Variants in ATP7B observed in about 807,000 individuals in gnomAD.
The protein encoded by ATP7B is copper-transporting ATPase 2.
In ATP7B, 113 loss-of-function variants were observed where a neutral mutation model predicts 118.9. The observed-to-expected ratio is 0.95, with a 90% CI of 0.82 to 1.11. ATP7B has a LOEUF of 1.11. Ranked by LOEUF, ATP7B falls within the 50% of genes most tolerant of loss-of-function variation. ATP7B has a pLI of 0.00. For synonymous variants in ATP7B, 777 were observed against 727.4 expected (o/e 1.07, Z -1.10); for missense variants, 1,867 against 1,871.4 (o/e 1.00, Z 0.04).
At chr13:51,936,505 A>C (rs1349471947) in intron 19 of ATP7B, among the ~76,000 whole-genome samples, 1 of 152,218 alleles carries the variant, frequency 6.6e-6, no homozygotes, top group Non-Finnish European at 1.5e-5. Context: ...GGGGAATTAC[A>C]AAGCAGAAAA....
At chr13:51,952,807 G>T (rs893154364) in intron 9 of ATP7B, among the ~76,000 whole-genome samples, 2 of 152,282 alleles carry the variant, frequency 1.3e-5, no homozygotes, top group South Asian at 4.1e-4. Context: ...GCTTAGTATG[G>T]CACCTGTACA....
rs546295146 is a variant in ATP7B, at chr13:52,001,897, C to A, written c.51+9390G>T. On this transcript the variant is annotated intron_variant, in intron 1 of 20. Coordinates refer to ENST00000242839, the MANE Select transcript of ATP7B (RefSeq NM_000053.4). ...CCTCCGCCTCCCTGGCTCAAGTGATCCTCCCATCTCAGCCTCCCAAGTACC... is the reference window on the plus strand; with the variant it reads ...CCTCCGCCTCCCTGGCTCAAGTGATACTCCCATCTCAGCCTCCCAAGTACC... 4.6e-4 allele frequency among the ~76,000 whole-genome samples: 70 copies of A among 152,126 alleles called. 1 individual carries two copies. The highest frequency in any genetic ancestry group is 9.4e-4 in the Non-Finnish European group (64 of 68,002).
rs768698497 is a variant in ATP7B, at chr13:51,974,205, T to G, written c.1015A>C (p.Arg339=). The G allele has an allele frequency of 1.1e-5, 18 of 1,613,778 alleles. No homozygotes were observed. Among genetic ancestry groups the G allele is most frequent in the Non-Finnish European group, 1.5e-5 (18 of 1,179,960 alleles). ...DGAEGSGTDH[R]SSSSHSPGSP... is the part of the protein sequence containing the mutation. The stretch of plus-strand genomic sequence containing the variant: ...CCAGGGGAATGAGAACTGGAAGACC[T>G]GTGATCTGTCCCACTCCCTTCGGCT... The change falls in exon 2 of 21, where the codon AGG becomes CGG. Residue 339 remains arginine (R), a synonymous_variant. Transcript: ENST00000242839.
At chr13:52,007,329 C>T (rs989859887) in intron 1 of ATP7B, among the ~76,000 whole-genome samples, 6 of 152,134 alleles carry the variant, frequency 3.9e-5, no homozygotes, top group African/African-American at 1.4e-4. Flanking sequence ...GGACTCAATC[C>T]TAGATCTGCC....
At chr13:51,941,009 G>A (rs192539462) in intron 16 of ATP7B, 72 bp downstream of exon 16, 656 of 1,593,126 alleles carry the variant, frequency 4.1e-4, no homozygotes, top group Admixed American at 5.3e-4. Flanking sequence ...TATAAAGGAG[G>A]ACTCTTTTGC....
At position 51,974,124 on chromosome 13, in the gene ATP7B, C is replaced by G. The variant is rs1170017506; in HGVS notation, c.1096G>C (p.Ala366Pro). 6.2e-7 allele frequency: 1 copy of G among 1,613,806 alleles called. No individual in the cohort carries two copies. The highest frequency in any genetic ancestry group is 1.1e-5 in the South Asian group (1 of 91,066). ...ACACAGGATGCACAGGTCATGCCGGCAATGGCAATCAGAGTGGTACTGCAT... is the reference window on the plus strand; with the variant it reads ...ACACAGGATGCACAGGTCATGCCGGGAATGGCAATCAGAGTGGTACTGCAT... ...GTCSTTLIAI[A>P]GMTCASCVHS... is the part of the protein sequence containing the mutation. The change falls in exon 2 of 21, where the codon GCC becomes CCC. Residue 366 changes from alanine to proline, a missense_variant. Ala to Pro is a conservative substitution (Grantham distance 27). Coordinates refer to ENST00000242839, the MANE Select transcript of ATP7B (RefSeq NM_000053.4).
intron 1 of ATP7B, among the ~76,000 whole-genome samples, chr13:51,987,968 T>C (rs1051757850): frequency 6.6e-6 from 1 of 152,072 alleles, no homozygotes; most frequent in Non-Finnish European, 1.5e-5. Flanking sequence ...GAAGAAAACA[T>C]AGGCAGTACC....
chr13:52,006,472 A>C (rs1463625161), intron 1 of ATP7B, among the ~76,000 whole-genome samples: 2 of 152,248 alleles, frequency 1.3e-5, no homozygotes, highest in Non-Finnish European at 2.9e-5. Flanking sequence ...TGAGAAGACA[A>C]TTCCATAAAG....
At chr13:52,005,303 T>C (rs2140610261) in intron 1 of ATP7B, among the ~76,000 whole-genome samples, 1 of 152,354 alleles carries the variant, frequency 6.6e-6, no homozygotes, top group African/African-American at 2.4e-5. Context: ...CATTTTCTTA[T>C]AAGCAATCAA....
intron 1 of ATP7B, among the ~76,000 whole-genome samples, chr13:51,995,152 A>C (rs1953142482): frequency 6.6e-6 from 1 of 152,208 alleles, no homozygotes; most frequent in Non-Finnish European, 1.5e-5. Context: ...GCCATGGTGT[A>C]ATTAATCAGC....
chr13:51,965,384 A>T (rs1052183976), intron 4 of ATP7B, among the ~76,000 whole-genome samples: 1 of 152,148 alleles, frequency 6.6e-6, no homozygotes, highest in African/African-American at 2.4e-5. Flanking sequence ...TAATGCCTGT[A>T]CGGGGTTGTG....
chr13:51,981,727 C>T (rs538744614), intron 1 of ATP7B, among the ~76,000 whole-genome samples: 9 of 152,160 alleles, frequency 5.9e-5, no homozygotes, highest in Admixed American at 3.3e-4. Context: ...GGGGGATAAA[C>T]GTAAATATCA....
chr13:51,968,069 T>G (rs746085636), intron 4 of ATP7B, among the ~76,000 whole-genome samples: 2 of 152,206 alleles, frequency 1.3e-5, no homozygotes, highest in Non-Finnish European at 2.9e-5. Flanking sequence ...CTTGAGATAG[T>G]TGCAGGCATG....
chr13:51,979,096 A>G (rs1463910258), intron 1 of ATP7B: 2 of 152,014 alleles, frequency 1.3e-5, no homozygotes, highest in Non-Finnish European at 2.9e-5. Flanking sequence ...AATAGCAAGC[A>G]CTCCTCTAGA....
chr13:51,949,719 C>T lies in ATP7B; in HGVS notation c.2808G>A (p.Leu936=). 6.2e-7 allele frequency: 1 copy of T among 1,614,098 alleles called. No individual in the cohort carries two copies. Among genetic ancestry groups the T allele is most frequent in the Non-Finnish European group, 8.5e-7 (1 of 1,180,018 alleles). The part of the protein sequence containing the change: ...PFIIIMSTLT[L]VVWIVIGFID... ...TAAAACCGATTACAATCCATACCAC[C>T]AACGTCAAAGTTGACATGATGATGA... The change falls in exon 12 of 21, where the codon TTG becomes TTA. Residue 936 remains leucine, a synonymous_variant. Transcript: ENST00000242839.
chr13:51,950,230 C>CT, intron 10 of ATP7B, 42 bp downstream of exon 10: 1 of 1,614,170 alleles, frequency 6.2e-7, no homozygotes, highest in South Asian at 1.1e-5. Context: ...CTGACAGCTG[C>CT]TATGATATCC....
At chr13:51,962,739 T>C (rs774179396) in intron 5 of ATP7B, among the ~76,000 whole-genome samples, 7 of 152,094 alleles carry the variant, frequency 4.6e-5, no homozygotes, top group Non-Finnish European at 1.0e-4. Flanking sequence ...AAGGTCAGCA[T>C]GGATGCCACA....
chr13:51,962,202 G>T (rs1176727332), intron 5 of ATP7B, among the ~76,000 whole-genome samples: 1 of 152,162 alleles, frequency 6.6e-6, no homozygotes, highest in Non-Finnish European at 1.5e-5. Context: ...GATACCTAAT[G>T]GTCAGAAATC....
upstream of ATP7B, chr13:52,011,582 G>T (rs995151076): frequency 1.6e-6 from 1 of 613,866 alleles, no homozygotes; most frequent in East Asian, 2.8e-5. Context: ...CGACCTGGGG[G>T]CACGGGGATG....
Sources: allele counts gnomAD v4.1 joint callset (sites outside exome capture counted in the v4.1 genomes callset), GRCh38; gene constraint gnomAD v4.1.1; transcripts MANE v1.5; gene names NCBI Gene and HGNC (gene_info 2026-07-23, HGNC 2026-07-21).